The following WDR41 variants were observed in gnomAD, a reference collection of about 807,000 sequenced individuals.
WDR41 encodes WD repeat-containing protein 41.
Under a neutral mutation model 69.3 loss-of-function variants are expected in WDR41, and 63 were observed. The observed-to-expected ratio is 0.91, with a 90% confidence interval of 0.74 to 1.12. WDR41 has a LOEUF of 1.12. Among genes scored for constraint, WDR41 ranks in the 50% most tolerant of loss-of-function variants. The pLI is 0.00. For missense variants in WDR41, 543 were observed against 534.5 expected, an observed-to-expected ratio of 1.02 and a Z score of -0.16; for synonymous variants, 185 against 192.1, an observed-to-expected ratio of 0.96 and a Z score of 0.31.
At chr5:77,550,810 A>G (rs1011265440) in intron 1 of WDR41, among the ~76,000 whole-genome samples, 3 of 152,234 alleles carry the variant, frequency 2.0e-5, no homozygotes, top group Non-Finnish European at 2.9e-5. Context: ...ACTACTCATA[A>G]TAGCAAAGAC....
chr5:77,583,635 T>G (rs1743983610), intron 1 of WDR41, among the ~76,000 whole-genome samples: 1 of 151,952 alleles, frequency 6.6e-6, no homozygotes, highest in African/African-American at 2.4e-5. Flanking sequence ...TTTAAAAAAC[T>G]ACCAACAGTG....
At chr5:77,509,155 C>T (rs561134510) in intron 1 of WDR41, among the ~76,000 whole-genome samples, 1 of 152,152 alleles carries the variant, frequency 6.6e-6, no homozygotes, top group African/African-American at 2.4e-5. Context: ...TTTCAATCAA[C>T]CAGACCAATA....
chr5:77,599,681 T>G (rs1300617157), intron 1 of WDR41, among the ~76,000 whole-genome samples: 1 of 152,136 alleles, frequency 6.6e-6, no homozygotes, highest in African/African-American at 2.4e-5. Flanking sequence ...TCTTTAGCAT[T>G]TGGTGATGAA....
intron 1 of WDR41, among the ~76,000 whole-genome samples, chr5:77,587,631 G>A (rs761729279): frequency 3.3e-5 from 5 of 152,138 alleles, no homozygotes; most frequent in Admixed American, 6.6e-5. Context: ...ACTGAATTGT[G>A]TCCTCTCAAA....
chr5:77,434,275 T>C (rs563174969), intron 12 of WDR41, among the ~76,000 whole-genome samples: 2 of 152,168 alleles, frequency 1.3e-5, no homozygotes, highest in African/African-American at 4.8e-5. Context: ...TGCGCCATTG[T>C]ACTCCAACCT....
At chr5:77,612,547 T>C (rs1329489226) in intron 1 of WDR41, among the ~76,000 whole-genome samples, 5 of 152,192 alleles carry the variant, frequency 3.3e-5, no homozygotes, top group Admixed American at 6.5e-5. Flanking sequence ...AAAAACCACA[T>C]GATTATCTCA....
chr5:77,537,512 C>T lies in WDR41; in HGVS notation c.43-47940G>A, dbSNP rs757049707. Among the ~76,000 whole-genome samples, 59 of 152,178 alleles carry T rather than the reference C, an allele frequency of 3.9e-4. 2 individuals are homozygous for T. Among genetic ancestry groups the T allele is most frequent in the Non-Finnish European group, 2.9e-5 (2 of 68,034 alleles). ...GATTAGACAGTTTGAATAATTTTGA[C>T]GGACTCTGGGCTGTTGGAGTGCTTC... On this transcript the variant is annotated intron_variant, in intron 1 of 5. Coordinates refer to the WDR41 transcript ENST00000509971.
At chr5:77,546,262 C>T in intron 1 of WDR41, 1 of 356,216 alleles carries the variant, frequency 2.8e-6, no homozygotes, top group Non-Finnish European at 5.1e-6. Context: ...GTGGCTACAA[C>T]ATAGAGTTTT....
At chr5:77,542,010 G>A (rs965992508) in intron 1 of WDR41, among the ~76,000 whole-genome samples, 5 of 152,014 alleles carry the variant, frequency 3.3e-5, no homozygotes, top group Non-Finnish European at 1.5e-5. Context: ...GCAAAGACAT[G>A]GAATCAGCCT....
At chr5:77,576,540 A>G (rs927137427) in intron 1 of WDR41, among the ~76,000 whole-genome samples, 3 of 152,100 alleles carry the variant, frequency 2.0e-5, no homozygotes, top group Non-Finnish European at 4.4e-5. Flanking sequence ...TTACTCATTT[A>G]TTCTGTTCTC....
At chr5:77,578,251 T>C (rs1176522300) in intron 1 of WDR41, among the ~76,000 whole-genome samples, 3 of 152,080 alleles carry the variant, frequency 2.0e-5, no homozygotes, top group Non-Finnish European at 4.4e-5. Context: ...ACATTAGCCA[T>C]AATGTCATAG....
At chr5:77,441,019 C>T (rs2151291795) in intron 8 of WDR41, 22 bp from the exon 9 acceptor site, 1 of 1,609,096 alleles carries the variant, frequency 6.2e-7, no homozygotes, top group Non-Finnish European at 8.5e-7. Flanking sequence ...TCACATATGC[C>T]TCATTATCGA....
At chr5:77,461,620 G>A (rs905781160) in intron 4 of WDR41, among the ~76,000 whole-genome samples, 2 of 152,090 alleles carry the variant, frequency 1.3e-5, no homozygotes, top group Admixed American at 6.5e-5. Context: ...GGCAGATCAC[G>A]AAGTCAGGAG....
At chr5:77,475,439 G>C (rs954263801) in intron 2 of WDR41, among the ~76,000 whole-genome samples, 3 of 152,226 alleles carry the variant, frequency 2.0e-5, no homozygotes, top group African/African-American at 4.8e-5. Context: ...GCTTTGAAGA[G>C]AGCAGTGGTT....
At chr5:77,502,111 T>C (rs2112154913) in intron 1 of WDR41, among the ~76,000 whole-genome samples, 1 of 152,184 alleles carries the variant, frequency 6.6e-6, no homozygotes, top group South Asian at 2.1e-4. Context: ...ACAAGGAAGC[T>C]AAAAACCTTG....
intron 5 of WDR41, among the ~76,000 whole-genome samples, chr5:77,456,707 T>C (rs1319631458): frequency 2.0e-5 from 3 of 152,160 alleles, no homozygotes; most frequent in Non-Finnish European, 4.4e-5. Context: ...ATTTTTATTT[T>C]ATTATTTTTT....
chr5:77,447,461 G>A (rs1293592429), intron 8 of WDR41, among the ~76,000 whole-genome samples: 1 of 152,114 alleles, frequency 6.6e-6, no homozygotes, highest in Non-Finnish European at 1.5e-5. Context: ...AAAGACACAT[G>A]CACATGTATG....
Position 77,594,372 on chromosome 5 carries a change from A to G in WDR41, c.42+26107T>C, listed in dbSNP as rs545578579. On this transcript the variant is annotated intron_variant, in intron 1 of 5. Transcript: ENST00000509971. ...TAGCACATGTATACATATGTAACAA[A>G]CCTGCACATTGTGCACATGTACCCT... Among the ~76,000 whole-genome samples, 7 of 152,174 alleles carry G rather than the reference A, an allele frequency of 4.6e-5. No homozygotes were observed. In the South Asian group the frequency reaches 1.0e-3, roughly 23 times the overall value.
intron 1 of WDR41, among the ~76,000 whole-genome samples, chr5:77,577,425 A>T (rs1185865705): frequency 6.6e-6 from 1 of 152,142 alleles, no homozygotes. Context: ...TCTCGGTAGT[A>T]ATCAAGAGAT....
Sources: allele counts gnomAD v4.1 joint callset (sites outside exome capture counted in the v4.1 genomes callset), GRCh38; gene constraint gnomAD v4.1.1; transcripts MANE v1.5; gene names NCBI Gene and HGNC (gene_info 2026-07-23, HGNC 2026-07-21).